RBFOX1: variants seen among roughly 807,000 people sequenced by gnomAD.
The protein encoded by RBFOX1 is RNA binding fox-1 homolog 1, also known as RNA binding protein fox-1 homolog 1.
In RBFOX1, 8 loss-of-function variants were observed where a neutral mutation model predicts 57.7. That is an observed-to-expected ratio of 0.14 (90% CI 0.08 to 0.25). The LOEUF (loss-of-function observed/expected upper bound fraction) is 0.25, where lower values mean the gene tolerates loss of function less well. Among genes scored for constraint, RBFOX1 ranks in the 10% least tolerant of loss-of-function variants. The pLI is 1.00. For missense variants in RBFOX1, 611 were observed against 548.5 expected (o/e 1.11, Z -1.14); for synonymous variants, 326 against 222.4 (o/e 1.47, Z -4.15).
At chr16:6,480,836 A>G (rs764804716) in intron 2 of RBFOX1, among the ~76,000 whole-genome samples, 2 of 152,144 alleles carry the variant, frequency 1.3e-5, no homozygotes, top group Non-Finnish European at 2.9e-5. Context: ...ATTCATGTCT[A>G]TATAGCAATG....
intron 4 of RBFOX1, among the ~76,000 whole-genome samples, chr16:7,240,777 C>G (rs2094014961): frequency 6.6e-6 from 1 of 152,086 alleles, no homozygotes; most frequent in Non-Finnish European, 1.5e-5. Context: ...GCCATGTTGC[C>G]CAGGCTGGTC....
At chr16:6,040,534 G>T (rs968970580) in intron 1 of RBFOX1, among the ~76,000 whole-genome samples, 1 of 152,004 alleles carries the variant, frequency 6.6e-6, no homozygotes, top group Admixed American at 6.6e-5. Context: ...GCAAGTGTGA[G>T]GGTGTGAATT....
intron 3 of RBFOX1, among the ~76,000 whole-genome samples, chr16:6,812,878 C>A (rs550262590): frequency 1.3e-5 from 2 of 152,152 alleles, no homozygotes; most frequent in African/African-American, 4.8e-5. Flanking sequence ...CCCCTGAGTC[C>A]TTTGTCCATC....
chr16:7,304,214 CAGAGAG>C (rs60200317), intron 4 of RBFOX1: 24,597 of 901,828 alleles, frequency 0.027, 176 homozygotes, highest in African/African-American at 0.098. Flanking sequence ...GAGAGAGAGA[CAGAGAG>C]AGAGAGAGAG....
intron 2 of RBFOX1, among the ~76,000 whole-genome samples, chr16:5,573,581 C>A (rs1312101356): frequency 2.0e-5 from 3 of 152,170 alleles, no homozygotes; most frequent in Non-Finnish European, 2.9e-5. Flanking sequence ...TTAAAGGAGG[C>A]CTTGTTTGTC....
intron 4 of RBFOX1, among the ~76,000 whole-genome samples, chr16:5,970,511 G>C (rs550017844): frequency 1.3e-5 from 2 of 152,084 alleles, no homozygotes; most frequent in Non-Finnish European, 2.9e-5. Context: ...CAGAATGCAC[G>C]CTAATCACAT....
At chr16:6,842,045 A>C (rs2093495080) in intron 3 of RBFOX1, among the ~76,000 whole-genome samples, 1 of 151,906 alleles carries the variant, frequency 6.6e-6, no homozygotes, top group Admixed American at 6.6e-5. Context: ...CGGGAGGCTG[A>C]GGGAGGAGAA....
At chr16:6,961,297 A>T (rs955867457) in intron 3 of RBFOX1, among the ~76,000 whole-genome samples, 1 of 152,236 alleles carries the variant, frequency 6.6e-6, no homozygotes. Flanking sequence ...GAGCTAAGCA[A>T]TGCAGACAGT....
chr16:7,303,484 GC>G (rs1247244413), intron 4 of RBFOX1, among the ~76,000 whole-genome samples: 1 of 152,238 alleles, frequency 6.6e-6, no homozygotes, highest in African/African-American at 2.4e-5. Context: ...CTGATGCCGG[GC>G]GCGCGGGGCG....
chr16:7,013,858 A>G (rs73536817), intron 3 of RBFOX1, among the ~76,000 whole-genome samples: 10,636 of 152,140 alleles, frequency 0.07, 681 homozygotes, highest in East Asian at 0.2. Context: ...GGGTCTCACC[A>G]TGTTACCCAG....
intron 4 of RBFOX1, among the ~76,000 whole-genome samples, chr16:7,367,420 A>C (rs146252679): frequency 1.3e-5 from 2 of 152,208 alleles, no homozygotes; most frequent in African/African-American, 4.8e-5. Flanking sequence ...GGATTCCATG[A>C]CAAGTCCTTA....
intron 2 of RBFOX1, among the ~76,000 whole-genome samples, chr16:6,545,920 C>T (rs866082881): frequency 2.0e-5 from 3 of 152,144 alleles, no homozygotes; most frequent in Non-Finnish European, 4.4e-5. Flanking sequence ...GAGTACTGCA[C>T]GTGCTAGATA....
At chr16:6,224,844 A>G (rs1238832076) in intron 1 of RBFOX1, among the ~76,000 whole-genome samples, 1 of 151,872 alleles carries the variant, frequency 6.6e-6, no homozygotes, top group South Asian at 2.1e-4. Flanking sequence ...AACATGGGAA[A>G]CCCCATCTCT....
intron 3 of RBFOX1, among the ~76,000 whole-genome samples, chr16:6,840,913 G>C (rs979279413): frequency 2.3e-5 from 2 of 88,672 alleles, no homozygotes; most frequent in African/African-American, 1.1e-4. Flanking sequence ...AACGAAAAAA[G>C]GTTTGAGAGA....
chr16:7,045,981 C>T (rs571916062), intron 3 of RBFOX1, among the ~76,000 whole-genome samples: 13 of 152,108 alleles, frequency 8.5e-5, no homozygotes, highest in Admixed American at 2.6e-4. Flanking sequence ...TATTAATTAA[C>T]GAAAATCAAT....
rs1018800878 is a variant in RBFOX1, at chr16:7,026,057, G to A, written c.-15-26000G>A. On this transcript the variant is annotated intron_variant, in intron 3 of 15. Coordinates refer to ENST00000550418, the MANE Select transcript of RBFOX1 (RefSeq NM_018723.4). Reference sequence around the variant, plus strand: ...ACAAAGGGAAAACAAAAGGACTAGCGCAGCTGCTGTGTCCAGGCTGGGGTG... The same window carrying A: ...ACAAAGGGAAAACAAAAGGACTAGCACAGCTGCTGTGTCCAGGCTGGGGTG... Among the ~76,000 whole-genome samples the A allele has an allele frequency of 7.2e-5, 11 of 152,298 alleles. No homozygotes were observed. The South Asian group carries it at 1.2e-3, about 17-fold the overall frequency.
chr16:7,435,974 C>T (rs146315596), intron 4 of RBFOX1, among the ~76,000 whole-genome samples: 250 of 152,190 alleles, frequency 1.6e-3, no homozygotes, highest in African/African-American at 5.5e-3. Flanking sequence ...TATGACATAG[C>T]GACCTCTTTT....
intron 4 of RBFOX1, among the ~76,000 whole-genome samples, chr16:7,492,676 G>A (rs1029331799): frequency 6.6e-6 from 1 of 152,146 alleles, no homozygotes; most frequent in African/African-American, 2.4e-5. Context: ...ATTTTTTTAT[G>A]AGTGGTTTAG....
chr16:7,425,259 A>T (rs947973523), intron 4 of RBFOX1, among the ~76,000 whole-genome samples: 2 of 152,196 alleles, frequency 1.3e-5, no homozygotes, highest in Admixed American at 6.5e-5. Flanking sequence ...AACACACTGA[A>T]TGAGAGAAGT....
Sources: gnomAD v4.1 joint callset for allele counts (sites outside exome capture counted in the v4.1 genomes callset) on GRCh38, gnomAD v4.1.1 for gene constraint, MANE v1.5 for transcripts, NCBI Gene and HGNC (gene_info 2026-07-23, HGNC 2026-07-21) for gene names.